The following CACNA2D3 variants were observed in gnomAD, a reference collection of about 807,000 sequenced individuals.
CACNA2D3 encodes the protein calcium voltage-gated channel auxiliary subunit alpha2delta 3, also known as voltage-dependent calcium channel subunit alpha-2/delta-3.
In CACNA2D3, 60 loss-of-function variants were observed where a neutral mutation model predicts 160.6. The observed-to-expected ratio is 0.37, with a 90% CI of 0.30 to 0.46. CACNA2D3 has a LOEUF of 0.46. Ranked by LOEUF, CACNA2D3 falls within the 20% of genes least tolerant of loss-of-function variation. The pLI, the probability that CACNA2D3 is intolerant of heterozygous loss-of-function variation, is 1.00. For missense variants in CACNA2D3, 1,205 were observed against 1,365.0 expected (o/e 0.88, Z 1.85); for synonymous variants, 558 against 492.9 (o/e 1.13, Z -1.75).
At chr3:54,674,081 T>C (rs1361550980) in intron 11 of CACNA2D3, among the ~76,000 whole-genome samples, 1 of 152,244 alleles carries the variant, frequency 6.6e-6, no homozygotes. Flanking sequence ...ACTTTTTACT[T>C]TGCATGGCAT....
chr3:54,974,948 G>A (rs1702351931), intron 29 of CACNA2D3, among the ~76,000 whole-genome samples: 1 of 152,118 alleles, frequency 6.6e-6, no homozygotes, highest in South Asian at 2.1e-4. Flanking sequence ...CCTTTTATTG[G>A]ACAGGCCATA....
At chr3:54,744,254 G>A (rs1043654965) in intron 11 of CACNA2D3, among the ~76,000 whole-genome samples, 1 of 152,204 alleles carries the variant, frequency 6.6e-6, no homozygotes, top group Non-Finnish European at 1.5e-5. Flanking sequence ...CATCCACTAA[G>A]AGGGCCCATC....
intron 11 of CACNA2D3, among the ~76,000 whole-genome samples, chr3:54,701,645 AAT>A (rs1467828661): frequency 6.6e-6 from 1 of 152,216 alleles, no homozygotes; most frequent in East Asian, 1.9e-4. Context: ...GGGAAGAATC[AAT>A]GTTGTTAAAA....
chr3:54,630,288 C>T (rs79204165), intron 10 of CACNA2D3, among the ~76,000 whole-genome samples: 4,915 of 152,150 alleles, frequency 0.032, 97 homozygotes, highest in Middle Eastern at 0.051. Flanking sequence ...TTCTCTTTGC[C>T]CAAGTCATTA....
chr3:54,313,278 C>G (rs190313763), intron 2 of CACNA2D3, among the ~76,000 whole-genome samples: 33 of 152,250 alleles, frequency 2.2e-4, no homozygotes, highest in Middle Eastern at 6.8e-3. Context: ...CCCTTGATGT[C>G]TCTCCAGGAG....
chr3:54,660,440 G>C (rs553827987), intron 11 of CACNA2D3, among the ~76,000 whole-genome samples: 1 of 152,194 alleles, frequency 6.6e-6, no homozygotes, highest in African/African-American at 2.4e-5. Flanking sequence ...GATTACAGGC[G>C]TGAGCCACCG....
chr3:54,769,430 C>T (rs1021111945), intron 13 of CACNA2D3, among the ~76,000 whole-genome samples: 2 of 151,964 alleles, frequency 1.3e-5, no homozygotes, highest in Non-Finnish European at 2.9e-5. Flanking sequence ...GCATATTTAT[C>T]GTCTACCTTA....
intron 5 of CACNA2D3, among the ~76,000 whole-genome samples, chr3:54,512,026 A>G (rs1359389164): frequency 2.0e-5 from 3 of 152,080 alleles, no homozygotes; most frequent in Non-Finnish European, 4.4e-5. Context: ...CCCTGGGCTG[A>G]CTCAGTTAGT....
intron 27 of CACNA2D3, among the ~76,000 whole-genome samples, chr3:54,921,376 A>G (rs1240912129): frequency 6.6e-6 from 1 of 152,180 alleles, no homozygotes; most frequent in African/African-American, 2.4e-5. Context: ...TATATCAAGT[A>G]TTTAGCATAA....
intron 4 of CACNA2D3, among the ~76,000 whole-genome samples, chr3:54,427,479 G>A (rs901983255): frequency 2.0e-5 from 3 of 152,130 alleles, no homozygotes; most frequent in African/African-American, 7.2e-5. Context: ...AGGAGGTATT[G>A]ATGATTACTC....
chr3:54,971,343 A>G (rs762071763), intron 29 of CACNA2D3, among the ~76,000 whole-genome samples: 2 of 152,218 alleles, frequency 1.3e-5, no homozygotes, highest in Non-Finnish European at 2.9e-5. Flanking sequence ...CAAGAACAAC[A>G]CAACTCAATA....
chr3:54,744,858 T>A (rs1450582947), intron 11 of CACNA2D3, among the ~76,000 whole-genome samples: 1 of 152,172 alleles, frequency 6.6e-6, no homozygotes, highest in Non-Finnish European at 1.5e-5. Context: ...TGATCACCAA[T>A]GTGAGGTGGG....
intron 4 of CACNA2D3, among the ~76,000 whole-genome samples, chr3:54,401,834 C>G (rs551892048): frequency 2.0e-5 from 3 of 152,252 alleles, no homozygotes; most frequent in South Asian, 4.1e-4. Context: ...TGGTAAAGGT[C>G]AAGTCCAGAA....
chr3:54,939,751 G>A (rs1701416937), intron 27 of CACNA2D3, among the ~76,000 whole-genome samples: 1 of 152,210 alleles, frequency 6.6e-6, no homozygotes, highest in Admixed American at 6.5e-5. Flanking sequence ...AGGAAGGAGG[G>A]AACTCCCTTT....
intron 5 of CACNA2D3, among the ~76,000 whole-genome samples, chr3:54,549,916 TTC>T (rs1264517091): frequency 1.3e-5 from 2 of 152,178 alleles, no homozygotes; most frequent in African/African-American, 4.8e-5. Flanking sequence ...ATGTTTAAAT[TTC>T]TTTCTCTCTT....
chr3:54,928,001 C>T (rs1701076282), intron 27 of CACNA2D3: 1 of 1,197,470 alleles, frequency 8.4e-7, no homozygotes, highest in South Asian at 1.2e-5. Context: ...AGACTCAGAG[C>T]CCAGCTTTAC....
intron 2 of CACNA2D3, among the ~76,000 whole-genome samples, chr3:54,171,136 C>CTATTTTTTTTTTTTTTTTTT (rs1700557898): frequency 1.6e-5 from 1 of 62,542 alleles, no homozygotes; most frequent in African/African-American, 5.5e-5. Flanking sequence ...AAGATGATGA[C>CTATTTTTTTTTTTTTTTTTT]TTTTTTTTTT....
At chr3:54,321,568 T>C (rs1376257771) in intron 3 of CACNA2D3, among the ~76,000 whole-genome samples, 1 of 152,216 alleles carries the variant, frequency 6.6e-6, no homozygotes, top group African/African-American at 2.4e-5. Flanking sequence ...ATGTACTCAC[T>C]TGTATTATCC....
chr3:54,528,653 C>CA (rs1285704131), intron 5 of CACNA2D3, among the ~76,000 whole-genome samples: 1 of 152,156 alleles, frequency 6.6e-6, no homozygotes, highest in African/African-American at 2.4e-5. Context: ...TGGGCAAACA[C>CA]ACGTTTTTTT....
Sources: allele counts gnomAD v4.1 joint callset (sites outside exome capture counted in the v4.1 genomes callset), GRCh38; gene constraint gnomAD v4.1.1; transcripts MANE v1.5; gene names NCBI Gene and HGNC (gene_info 2026-07-23, HGNC 2026-07-21).